FAT2: variants seen among roughly 807,000 people sequenced by gnomAD.
FAT2 encodes FAT atypical cadherin 2, also known as protocadherin Fat 2.
In FAT2, 150 loss-of-function variants were observed where a neutral mutation model predicts 295.3. The observed-to-expected ratio is 0.51, with a 90% CI of 0.44 to 0.58. The LOEUF is 0.58. Ranked by LOEUF, FAT2 falls within the 20% of genes least tolerant of loss-of-function variation. The pLI is 0.00. For synonymous variants in FAT2, 2,026 were observed against 2,150.3 expected (o/e 0.94, Z 1.60); for missense variants, 4,868 against 5,442.7 (o/e 0.89, Z 3.32).
intron 13 of FAT2, among the ~76,000 whole-genome samples, chr5:151,533,396 ACACACACAC>A (rs1754879861): frequency 1.7e-4 from 12 of 70,216 alleles, no homozygotes; most frequent in South Asian, 1.2e-3. Context: ...TATCTCCAAC[ACACACACAC>A]ACACACACAC....
At chr5:151,510,250 G>GTGTT (rs2127568196) in intron 21 of FAT2, 76 bp from the exon 22 acceptor site, 1 of 1,493,516 alleles carries the variant, frequency 6.7e-7, no homozygotes, top group African/African-American at 1.4e-5. Flanking sequence ...GCAGACTGGT[G>GTGTT]TGTTTGTGCA....
At chr5:151,524,881 A>G (rs1245989266) in intron 18 of FAT2, among the ~76,000 whole-genome samples, 1 of 152,176 alleles carries the variant, frequency 6.6e-6, no homozygotes, top group African/African-American at 2.4e-5. Flanking sequence ...TCCTGGGGGC[A>G]GCCTCCCTCT....
rs868611537 is a variant in FAT2, at chr5:151,545,734, G to A, written c.5393C>T (p.Ser1798Phe). Residue 1798 changes from serine to phenylalanine, a missense_variant, in exon 10 of 24, where the codon TCC becomes TTC. By Grantham distance (155) the Ser-to-Phe change is radical. Coordinates refer to ENST00000261800, the MANE Select transcript of FAT2 (RefSeq NM_001447.3). ...HASDSDKEANSLLVYKILEPE... is the reference protein window; with the variant it reads ...HASDSDKEANFLLVYKILEPE... ...CTCCAAAATTTTATAGACCAACAAG[G>A]AATTAGCTTCTTTGTCACTGTCAGA... is the stretch of plus-strand genomic sequence containing the variant. The A allele has an allele frequency of 6.2e-7, 1 of 1,614,010 alleles. No individual in the cohort carries two copies. Among genetic ancestry groups the A allele is most frequent in the Non-Finnish European group, 8.5e-7 (1 of 1,180,006 alleles).
In FAT2 at chr5:151,543,759, A is replaced by G. The variant is rs752998545; in HGVS notation, c.7368T>C (p.Ala2456=). 1 of 1,614,200 alleles carries G rather than the reference A, an allele frequency of 6.2e-7. No individual in the cohort carries two copies. The highest frequency in any genetic ancestry group is 8.5e-7 in the Non-Finnish European group (1 of 1,180,040). The change falls in exon 10 of 24, where the codon GCT becomes GCC. Residue 2456 remains alanine (A), a synonymous_variant. Transcript: ENST00000261800. ...LDSSYNLRVG[A]SDGVFRATVP... is the part of the protein sequence containing the mutation. ...CAGTTGCTCGGAAGACTCCATCAGA[A>G]GCACCTACCCTCAAATTGTAAGAAG...
intron 1 of FAT2, among the ~76,000 whole-genome samples, chr5:151,590,793 T>C (rs190869415): frequency 3.1e-3 from 475 of 152,294 alleles, no homozygotes; most frequent in Non-Finnish European, 4.9e-3. Flanking sequence ...GGAAATCTCC[T>C]CCATGTCCTC....
Position 151,566,847 on chromosome 5 carries a change from A to G in FAT2, c.2085T>C (p.Ser695=), listed in dbSNP as rs752114246. 6.2e-7 allele frequency: 1 copy of G among 1,614,054 alleles called. No individual in the cohort carries two copies. Among genetic ancestry groups the G allele is most frequent in the African/African-American group, 1.3e-5 (1 of 74,906 alleles). Residue 695 remains serine (S), a synonymous_variant, in exon 2 of 24, where the codon AGT becomes AGC. Transcript: ENST00000261800. The part of the protein sequence containing the change: ...HFIGLQNQES[S]DEEFTSLSTY... Reference sequence around the variant, plus strand: ...TGCTTAAAGAAGTGAATTCCTCATCACTGGACTCCTGGTTCTGAAGCCCAA... The same window carrying G: ...TGCTTAAAGAAGTGAATTCCTCATCGCTGGACTCCTGGTTCTGAAGCCCAA...
At chr5:151,594,592 G>A (rs548949949), upstream of FAT2, among the ~76,000 whole-genome samples, 3 of 152,272 alleles carry the variant, frequency 2.0e-5, no homozygotes, top group South Asian at 2.1e-4. Flanking sequence ...CAGGGGTGCC[G>A]CCGTAGGCTT....
At chr5:151,575,681 G>T (rs11746958) in intron 1 of FAT2, among the ~76,000 whole-genome samples, 2 of 152,028 alleles carry the variant, frequency 1.3e-5, no homozygotes, top group East Asian at 1.9e-4. Context: ...AGGTTCACTC[G>T]TCTAGTAGGT....
intron 3 of FAT2, among the ~76,000 whole-genome samples, chr5:151,561,154 C>T (rs1757996283): frequency 6.6e-6 from 1 of 152,194 alleles, no homozygotes; most frequent in South Asian, 2.1e-4. Context: ...AAGGAAAGAA[C>T]AGCTAGGCTG....
At chr5:151,532,087 C>T (rs1754693321) in intron 13 of FAT2, 117 bp from the exon 14 acceptor site, 1 of 1,376,716 alleles carries the variant, frequency 7.3e-7, no homozygotes, top group Non-Finnish European at 1.0e-6. Context: ...GGCGGACAAG[C>T]TGGCTTGGGT....
chr5:151,590,951 C>T (rs527996008), intron 1 of FAT2, among the ~76,000 whole-genome samples: 25 of 152,314 alleles, frequency 1.6e-4, no homozygotes, highest in Non-Finnish European at 3.5e-4. Flanking sequence ...TCCCCAGCCG[C>T]GGACTGGCTA....
chr5:151,549,847 A>G (rs959871387), intron 8 of FAT2, among the ~76,000 whole-genome samples: 1 of 152,228 alleles, frequency 6.6e-6, no homozygotes, highest in African/African-American at 2.4e-5. Flanking sequence ...ATATGGTCAC[A>G]TAAATTTGGG....
intron 10 of FAT2, among the ~76,000 whole-genome samples, chr5:151,541,583 A>T (rs1405203200): frequency 1.3e-5 from 2 of 152,168 alleles, no homozygotes; most frequent in East Asian, 3.9e-4. Flanking sequence ...GCACCTGGGG[A>T]TGAGAAAAAA....
At chr5:151,520,068 G>A (rs1753284397) in intron 19 of FAT2, among the ~76,000 whole-genome samples, 1 of 152,226 alleles carries the variant, frequency 6.6e-6, no homozygotes, top group African/African-American at 2.4e-5. Context: ...ACACAGAGAA[G>A]GAAATCCTCT....
intron 10 of FAT2, 119 bp from the exon 11 acceptor site, chr5:151,540,882 T>C: frequency 1.1e-6 from 1 of 924,710 alleles, no homozygotes; most frequent in African/African-American, 1.7e-5. Context: ...AAACATTTCC[T>C]TCCTTAACTA....
rs1404728339 is a variant in FAT2 at position 151,566,105 on chromosome 5, C to G, written c.2827G>C (p.Val943Leu). 2 of 1,614,034 alleles carry G rather than the reference C, an allele frequency of 1.2e-6. No homozygotes were observed. Among genetic ancestry groups the G allele is most frequent in the African/African-American group, 2.7e-5 (2 of 74,924 alleles). ...KVPEDLPPGT[V>L]LTFLDASDPD... is the part of the protein sequence containing the mutation. ...TCAGAGGCATCCAGAAATGTCAAGA[C>G]AGTCCCGGGGGGCAGGTCCTCTGGA... Residue 943 changes from valine to leucine, a missense_variant, in exon 2 of 24, where the codon GTC becomes CTC. Coordinates refer to ENST00000261800, the MANE Select transcript of FAT2 (RefSeq NM_001447.3).
chr5:151,587,177 C>A (rs202120519), intron 1 of FAT2, among the ~76,000 whole-genome samples: 74 of 148,612 alleles, frequency 5.0e-4, no homozygotes, highest in African/African-American at 1.6e-3. Flanking sequence ...AAAAAAAAAA[C>A]AAAAAAACCC....
intron 1 of FAT2, among the ~76,000 whole-genome samples, chr5:151,584,080 C>T (rs1759074167): frequency 7.0e-6 from 1 of 141,996 alleles, no homozygotes; most frequent in African/African-American, 2.6e-5. Flanking sequence ...AAAAAGAAGA[C>T]ATTAAAATAA....
At chr5:151,569,285 A>G (rs1352906784) in intron 1 of FAT2, among the ~76,000 whole-genome samples, 1 of 152,238 alleles carries the variant, frequency 6.6e-6, no homozygotes, top group Non-Finnish European at 1.5e-5. Context: ...CCCCATAATC[A>G]TGGCAGAAGG....
Sources: gnomAD v4.1 joint callset for allele counts (sites outside exome capture counted in the v4.1 genomes callset) on GRCh38, gnomAD v4.1.1 for gene constraint, MANE v1.5 for transcripts, NCBI Gene and HGNC (gene_info 2026-07-23, HGNC 2026-07-21) for gene names.